The following MTMR7 variants were observed in gnomAD, a reference collection of about 807,000 sequenced individuals.
The protein encoded by MTMR7 is myotubularin related protein 7.
Under a neutral mutation model 81.2 loss-of-function variants are expected in MTMR7, and 76 were observed. The observed-to-expected ratio is 0.94, with a 90% confidence interval of 0.78 to 1.13. The LOEUF is 1.13. MTMR7 is among the 50% of genes most tolerant of loss of function. The probability of loss-of-function intolerance (pLI) is 0.00; values close to 1 mark genes in which losing one functional copy is unlikely to be tolerated. For missense variants in MTMR7, 1,044 were observed against 820.0 expected (o/e 1.27, Z -3.34); for synonymous variants, 372 against 289.8 (o/e 1.28, Z -2.88).
chr8:17,356,736 T>G (rs1288533025), intron 4 of MTMR7, among the ~76,000 whole-genome samples: 1 of 126,508 alleles, frequency 7.9e-6, no homozygotes, highest in South Asian at 2.5e-4. Flanking sequence ...TAAAATAACC[T>G]TGGGTATCAG....
At chr8:17,358,394 A>G (rs895925016) in intron 4 of MTMR7, among the ~76,000 whole-genome samples, 2 of 152,216 alleles carry the variant, frequency 1.3e-5, no homozygotes, top group Non-Finnish European at 2.9e-5. Context: ...GTAACTTTAA[A>G]ATATATAATG....
chr8:17,388,895 A>G (rs73211108), intron 1 of MTMR7, among the ~76,000 whole-genome samples: 7,740 of 152,302 alleles, frequency 0.051, 292 homozygotes, highest in Non-Finnish European at 0.078. Context: ...CCCCAAGGAC[A>G]GACTGCATAA....
intron 1 of MTMR7, 140 bp downstream of exon 1, chr8:17,413,129 C>T (rs1821781840): frequency 2.1e-6 from 2 of 953,182 alleles, no homozygotes; most frequent in Non-Finnish European, 1.6e-6. Flanking sequence ...GATGCTCAGG[C>T]AATGCCTGCT....
intron 1 of MTMR7, among the ~76,000 whole-genome samples, chr8:17,395,285 T>A (rs774613950): frequency 2.6e-5 from 4 of 152,234 alleles, no homozygotes; most frequent in Non-Finnish European, 5.9e-5. Flanking sequence ...TTCCATTGCA[T>A]GTACATATCA....
At chr8:17,410,891 A>G (rs1335510915) in intron 1 of MTMR7, among the ~76,000 whole-genome samples, 2 of 152,204 alleles carry the variant, frequency 1.3e-5, no homozygotes, top group Admixed American at 6.5e-5. Flanking sequence ...CACACAGTAA[A>G]TATTGCTATA....
At chr8:17,404,515 T>C (rs907632524) in intron 1 of MTMR7, among the ~76,000 whole-genome samples, 2 of 151,868 alleles carry the variant, frequency 1.3e-5, no homozygotes, top group African/African-American at 4.8e-5. Flanking sequence ...TGTATTGCTC[T>C]TGTTACAAAC....
chr8:17,371,273 G>C, intron 2 of MTMR7, 74 bp from the exon 3 acceptor site: 3 of 1,499,276 alleles, frequency 2.0e-6, no homozygotes, highest in Middle Eastern at 2.4e-4. Flanking sequence ...ACATTTCTTT[G>C]TGGCTCAAAG....
chr8:17,379,757 C>G (rs1820703278), intron 1 of MTMR7, among the ~76,000 whole-genome samples: 1 of 152,128 alleles, frequency 6.6e-6, no homozygotes, highest in Non-Finnish European at 1.5e-5. Flanking sequence ...GCCTATACCT[C>G]ATGTTAAGTG....
At chr8:17,397,224 C>T (rs893563234) in intron 1 of MTMR7, among the ~76,000 whole-genome samples, 1 of 151,882 alleles carries the variant, frequency 6.6e-6, no homozygotes, top group Non-Finnish European at 1.5e-5. Flanking sequence ...TCTTGCACCT[C>T]AGGTACTAGC....
intron 10 of MTMR7, among the ~76,000 whole-genome samples, chr8:17,307,036 GA>G (rs1817499450): frequency 6.6e-6 from 1 of 152,158 alleles, no homozygotes; most frequent in African/African-American, 2.4e-5. Context: ...AAAATTGACA[GA>G]TGGGATCTAA....
chr8:17,373,154 G>A lies in MTMR7; in HGVS notation c.111C>T (p.Phe37=), dbSNP rs371391120. 27 of 1,613,576 alleles carry A rather than the reference G, an allele frequency of 1.7e-5. No individual in the cohort carries two copies. Among genetic ancestry groups the A allele is most frequent in the Middle Eastern group, 3.3e-4 (2 of 6,084 alleles). ...TLYLTATHVI[F]VENSPDPRKE... is the part of the protein sequence containing the mutation. ...TTCTTGGGTCAGGTGAATTTTCCAC[G>A]AATATGACATGGGTAGCCGTCAAAT... Residue 37 remains phenylalanine (F), a synonymous_variant, in exon 2 of 14, where the codon TTC becomes TTT. Coordinates refer to ENST00000180173, the MANE Select transcript of MTMR7 (RefSeq NM_004686.5).
In MTMR7 at chr8:17,409,661, C is replaced by T. The variant is rs140849175; in HGVS notation, c.24+3608G>A. ...GGAGCTTGACATTAAATGAACATAA[C>T]TCAAATAAATTTAACAATTGTAATG... is the stretch of plus-strand genomic sequence containing the variant. On this transcript the variant is annotated intron_variant, in intron 1 of 13. Transcript: ENST00000180173. Among the ~76,000 whole-genome samples the T allele has an allele frequency of 1.8e-3, 268 of 152,192 alleles. 1 individual carries two copies. Among genetic ancestry groups the T allele is most frequent in the African/African-American group, 6.1e-3 (253 of 41,522 alleles).
intron 1 of MTMR7, among the ~76,000 whole-genome samples, chr8:17,375,246 T>G (rs1820546817): frequency 6.6e-6 from 1 of 151,980 alleles, no homozygotes; most frequent in Admixed American, 6.6e-5. Context: ...ATTGCCTCAG[T>G]CTCCTCTAAG....
rs1821489195 is a variant in MTMR7 at position 17,403,554 on chromosome 8, T to C, written c.24+9715A>G. On this transcript the variant is annotated intron_variant, in intron 1 of 13. Transcript: ENST00000180173. ...TTTTTGCACAGAATACATTTGGCTA[T>C]TCTGGGTCTTTTGTTACTCTATGTA... is the stretch of plus-strand genomic sequence containing the variant. Among the ~76,000 whole-genome samples the C allele has an allele frequency of 2.0e-5, 3 of 152,344 alleles. No homozygotes were observed. The South Asian group carries it at 6.2e-4, about 32-fold the overall frequency.
intron 1 of MTMR7, among the ~76,000 whole-genome samples, chr8:17,380,083 A>C (rs1820714189): frequency 6.6e-6 from 1 of 152,094 alleles, no homozygotes; most frequent in Non-Finnish European, 1.5e-5. Flanking sequence ...ATTCAGCAGC[A>C]AATGATTATG....
chr8:17,319,730 C>A (rs1468070617), intron 7 of MTMR7, among the ~76,000 whole-genome samples: 1 of 152,196 alleles, frequency 6.6e-6, no homozygotes, highest in Non-Finnish European at 1.5e-5. Flanking sequence ...TCCAGCATCT[C>A]CCAGCTGATG....
intron 3 of MTMR7, among the ~76,000 whole-genome samples, chr8:17,364,018 A>ATT (rs1257807634): frequency 6.9e-4 from 37 of 53,794 alleles, no homozygotes; most frequent in African/African-American, 3.4e-3. Flanking sequence ...AAGTGTTGCT[A>ATT]TTATTTTTTT....
At chr8:17,386,625 T>C (rs779335354) in intron 1 of MTMR7, among the ~76,000 whole-genome samples, 306 of 142,694 alleles carry the variant, frequency 2.1e-3, no homozygotes, top group Non-Finnish European at 3.6e-3. Context: ...CATTGCTGGC[T>C]CTCAGCAGGC....
intron 13 of MTMR7, among the ~76,000 whole-genome samples, chr8:17,300,836 C>G (rs1257943447): frequency 6.6e-6 from 1 of 152,208 alleles, no homozygotes; most frequent in Non-Finnish European, 1.5e-5. Flanking sequence ...TTTGCCTAGT[C>G]TAGATGTTTT....
Sources: gnomAD v4.1 joint callset for allele counts (sites outside exome capture counted in the v4.1 genomes callset) on GRCh38, gnomAD v4.1.1 for gene constraint, MANE v1.5 for transcripts, NCBI Gene and HGNC (gene_info 2026-07-23, HGNC 2026-07-21) for gene names.